Variants in TNKS observed in about 807,000 individuals in gnomAD.
TNKS encodes the protein poly [ADP-ribose] polymerase tankyrase-1.
In TNKS, 72 loss-of-function variants were observed where a neutral mutation model predicts 135.8. That is an observed-to-expected ratio of 0.53 (90% CI 0.44 to 0.64). The LOEUF is 0.64. Among genes scored for constraint, TNKS ranks in the 30% least tolerant of loss-of-function variants. TNKS has a pLI of 0.00. For missense variants in TNKS, 1,769 were observed against 1,674.0 expected (o/e 1.06, Z -0.99); for synonymous variants, 849 against 649.3 (o/e 1.31, Z -4.68).
chr8:9,631,158 T>A (rs1210752587), intron 3 of TNKS, among the ~76,000 whole-genome samples: 10 of 152,226 alleles, frequency 6.6e-5, no homozygotes. Flanking sequence ...ATCTAACCGT[T>A]AACTAGTTCA....
At chr8:9,578,665 A>G (rs938166534) in intron 1 of TNKS, among the ~76,000 whole-genome samples, 2 of 152,116 alleles carry the variant, frequency 1.3e-5, no homozygotes, top group Non-Finnish European at 2.9e-5. Context: ...TCTTTTCCAC[A>G]TGGTTTTTAT....
chr8:9,749,616 AG>A (rs1486657976), intron 18 of TNKS, among the ~76,000 whole-genome samples: 3 of 152,036 alleles, frequency 2.0e-5, no homozygotes, highest in Non-Finnish European at 4.4e-5. Context: ...CTGGGACTAC[AG>A]GCACATGCCA....
intron 3 of TNKS, among the ~76,000 whole-genome samples, chr8:9,623,721 G>A (rs949331776): frequency 6.6e-6 from 1 of 152,090 alleles, no homozygotes; most frequent in African/African-American, 2.4e-5. Flanking sequence ...AACTTTCTGG[G>A]CTGGGTGCTG....
At chr8:9,721,865 A>C (rs1382758960) in intron 12 of TNKS, among the ~76,000 whole-genome samples, 1 of 148,302 alleles carries the variant, frequency 6.7e-6, no homozygotes, top group Non-Finnish European at 1.5e-5. Flanking sequence ...CACCTTGGCC[A>C]ACATGGTGAA....
rs916064801 is a variant in TNKS at position 9,693,220 on chromosome 8, A to G, written c.1108-11443A>G. 2.0e-4 allele frequency among the ~76,000 whole-genome samples: 31 copies of G among 152,346 alleles called. 1 individual carries two copies. Among genetic ancestry groups the G allele is most frequent in the Admixed American group, 2.0e-3 (31 of 15,312 alleles). ...TAAATAATTATGGTACAGCCACACA[A>G]TGGAAATACTGTACAGCTCTTACAA... On this transcript the variant is annotated intron_variant, in intron 5 of 26. Transcript: ENST00000310430.
At chr8:9,645,006 G>C (rs1400845422) in intron 3 of TNKS, among the ~76,000 whole-genome samples, 1 of 152,104 alleles carries the variant, frequency 6.6e-6, no homozygotes, top group African/African-American at 2.4e-5. Flanking sequence ...ATGTATCATG[G>C]GTTTGGTGTA....
At chr8:9,647,669 G>A (rs1260733282) in intron 3 of TNKS, among the ~76,000 whole-genome samples, 1 of 152,128 alleles carries the variant, frequency 6.6e-6, no homozygotes, top group Non-Finnish European at 1.5e-5. Flanking sequence ...TTGTGGGTCT[G>A]TCTTCTTGTG....
At chr8:9,695,783 A>G (rs1803485249) in intron 5 of TNKS, among the ~76,000 whole-genome samples, 1 of 152,190 alleles carries the variant, frequency 6.6e-6, no homozygotes, top group Non-Finnish European at 1.5e-5. Context: ...TTGGAGGCAT[A>G]GTCTCCAAGA....
chr8:9,566,740 C>T (rs1351168549), intron 1 of TNKS, among the ~76,000 whole-genome samples: 1 of 151,470 alleles, frequency 6.6e-6, no homozygotes, highest in East Asian at 1.9e-4. Context: ...TCCCGAGTAG[C>T]TGGGACTACA....
intron 1 of TNKS, among the ~76,000 whole-genome samples, chr8:9,576,097 C>T (rs902818364): frequency 6.6e-6 from 1 of 152,178 alleles, no homozygotes; most frequent in African/African-American, 2.4e-5. Context: ...CATGGCCAGT[C>T]ACTGACAGAG....
intron 14 of TNKS, 87 bp from the exon 15 acceptor site, chr8:9,733,192 A>G (rs1168665779): frequency 9.8e-6 from 13 of 1,332,748 alleles, no homozygotes; most frequent in South Asian, 4.6e-5. Flanking sequence ...AGTCAGTACC[A>G]TAGAAGAATG....
chr8:9,764,050 C>CAGTT (rs1263178513), intron 22 of TNKS, among the ~76,000 whole-genome samples: 1 of 152,080 alleles, frequency 6.6e-6, no homozygotes, highest in Non-Finnish European at 1.5e-5. Flanking sequence ...ATTCTCCTAG[C>CAGTT]AGTTAGTACA....
intron 5 of TNKS, among the ~76,000 whole-genome samples, chr8:9,694,618 C>T (rs1373712174): frequency 4.0e-5 from 6 of 151,744 alleles, no homozygotes; most frequent in Admixed American, 6.6e-5. Flanking sequence ...AAAAATTAGC[C>T]GGGTGTGGTG....
At chr8:9,706,781 T>C (rs1208190555) in intron 7 of TNKS, 30 bp from the exon 8 acceptor site, 8 of 1,571,984 alleles carry the variant, frequency 5.1e-6, no homozygotes, top group Non-Finnish European at 6.0e-6. Context: ...AAATGATTAC[T>C]GACCTAAAAT....
intron 17 of TNKS, among the ~76,000 whole-genome samples, chr8:9,746,532 C>G (rs559222781): frequency 3.3e-5 from 5 of 152,158 alleles, no homozygotes; most frequent in Non-Finnish European, 7.3e-5. Flanking sequence ...TTCTTCCACT[C>G]TCCTTTTCCA....
chr8:9,741,933 A>C (rs1333611994), intron 17 of TNKS, among the ~76,000 whole-genome samples: 1 of 152,218 alleles, frequency 6.6e-6, no homozygotes, highest in African/African-American at 2.4e-5. Context: ...AGTAAGAAAA[A>C]ATAATGAACA....
intron 26 of TNKS, among the ~76,000 whole-genome samples, chr8:9,772,792 AATGTGTGTGTGTGTGTTT>A (rs1807989096): frequency 7.5e-6 from 1 of 133,348 alleles, no homozygotes; most frequent in South Asian, 2.5e-4. Flanking sequence ...TTTTGGGGAG[AATGTGTGTGTGTGTGTTT>A]GTGTGTGTGT....
intron 2 of TNKS, among the ~76,000 whole-genome samples, chr8:9,607,859 A>T (rs6651495): frequency 1.3e-5 from 2 of 151,792 alleles, no homozygotes; most frequent in Admixed American, 6.6e-5. Context: ...AATGTGAAAC[A>T]CTCCTTTTTT....
rs1027885497 is a variant in TNKS at position 9,660,975 on chromosome 8, C to A, written c.995-18976C>A. On this transcript the variant is annotated intron_variant, in intron 3 of 26. Coordinates refer to ENST00000310430, the MANE Select transcript of TNKS (RefSeq NM_003747.3). ...GAGAGCCAAATCATGAGTGAACTCC[C>A]ATTCACAGTTGCTTCAAAAAGAATA... Among the ~76,000 whole-genome samples, 12 of 147,712 alleles carry A rather than the reference C, an allele frequency of 8.1e-5. 2 individuals are homozygous for A. The Admixed American group carries it at 8.4e-4, about 10-fold the overall frequency.
Sources: gnomAD v4.1 joint callset for allele counts (sites outside exome capture counted in the v4.1 genomes callset) on GRCh38, gnomAD v4.1.1 for gene constraint, MANE v1.5 for transcripts, NCBI Gene and HGNC (gene_info 2026-07-23, HGNC 2026-07-21) for gene names.